NPR3: variants seen among roughly 807,000 people sequenced by gnomAD.
The protein encoded by NPR3 is atrial natriuretic peptide receptor 3.
In NPR3, 34 loss-of-function variants were observed where a neutral mutation model predicts 54.5. That is an observed-to-expected ratio of 0.62 (90% CI 0.47 to 0.83). NPR3 has a LOEUF of 0.83. Ranked by LOEUF, NPR3 falls within the 40% of genes least tolerant of loss-of-function variation. The pLI is 0.00. For missense variants in NPR3, 674 were observed against 720.8 expected (o/e 0.94, Z 0.74); for synonymous variants, 289 against 297.1 (o/e 0.97, Z 0.28).
At chr5:32,701,362 T>A (rs1281469523) in intron 1 of NPR3, among the ~76,000 whole-genome samples, 2 of 152,238 alleles carry the variant, frequency 1.3e-5, no homozygotes, top group Non-Finnish European at 2.9e-5. Flanking sequence ...TCTTTTAAAT[T>A]ATTTCAATGT....
chr5:32,723,555 TTC>T (rs756427977), intron 1 of NPR3, among the ~76,000 whole-genome samples: 196 of 152,362 alleles, frequency 1.3e-3, no homozygotes, highest in Non-Finnish European at 2.4e-3. Flanking sequence ...TAAGTGAATG[TTC>T]TCTCTAAAAT....
rs1234746505 is a variant in NPR3 at position 32,756,023 on chromosome 5, T to C, written c.1059+16993T>C. 2.0e-5 allele frequency among the ~76,000 whole-genome samples: 3 copies of C among 152,342 alleles called. 1 individual carries two copies. Among genetic ancestry groups the C allele is most frequent in the Middle Eastern group, 6.8e-3 (2 of 294 alleles). On this transcript the variant is annotated intron_variant, in intron 3 of 7. Coordinates refer to ENST00000265074, the MANE Select transcript of NPR3 (RefSeq NM_001204375.2). ...TATCATTGATGGACATTTGGGTTGGTTCCAAGTCTTTGCTATGTGAATAGT... is the reference window on the plus strand; with the variant it reads ...TATCATTGATGGACATTTGGGTTGGCTCCAAGTCTTTGCTATGTGAATAGT...
At chr5:32,705,797 AT>A (rs761888007), upstream of NPR3, among the ~76,000 whole-genome samples, 1 of 152,192 alleles carries the variant, frequency 6.6e-6, no homozygotes, top group Non-Finnish European at 1.5e-5. Flanking sequence ...AGAAACAATA[AT>A]CAACGCCATA....
In NPR3 at chr5:32,766,036, G is replaced by T. The variant is rs551445644; in HGVS notation, c.1060-8672G>T. ...ATCTGGTCTGGGAGAGCAGCCCCTG[G>T]CATCCCACCTTTATCTCCTCTGCCC... is the stretch of plus-strand genomic sequence containing the variant. On this transcript the variant is annotated intron_variant, in intron 3 of 7. Coordinates refer to ENST00000265074, the MANE Select transcript of NPR3 (RefSeq NM_001204375.2). Among the ~76,000 whole-genome samples the T allele has an allele frequency of 3.9e-5, 6 of 152,310 alleles. No individual in the cohort carries two copies. The East Asian group carries it at 1.2e-3, about 29-fold the overall frequency.
chr5:32,783,225 A>C, intron 6 of NPR3, 197 bp downstream of exon 6: 2 of 478,662 alleles, frequency 4.2e-6, no homozygotes, highest in Non-Finnish European at 7.3e-6. Flanking sequence ...TCTCTTCCAC[A>C]ATGGTAGAAT....
chr5:32,784,930 TGTC>T (rs1444880382), intron 7 of NPR3, 47 bp downstream of exon 7: 1 of 1,362,826 alleles, frequency 7.3e-7, no homozygotes, highest in Admixed American at 1.7e-5. Context: ...CTGCTGTCTT[TGTC>T]ATTTGATTTT....
At chr5:32,701,903 G>C (rs915887241) in intron 1 of NPR3, among the ~76,000 whole-genome samples, 1 of 152,212 alleles carries the variant, frequency 6.6e-6, no homozygotes, top group Admixed American at 6.5e-5. Flanking sequence ...GTGCTGAGCT[G>C]CCTGAAGCCA....
chr5:32,761,578 T>C (rs1741163489), intron 3 of NPR3, among the ~76,000 whole-genome samples: 1 of 152,050 alleles, frequency 6.6e-6, no homozygotes, highest in African/African-American at 2.4e-5. Context: ...CGGACTCTTC[T>C]GCTGTCTCTA....
chr5:32,704,862 A>G (rs1185008939), upstream of NPR3, among the ~76,000 whole-genome samples: 1 of 152,236 alleles, frequency 6.6e-6, no homozygotes, highest in Non-Finnish European at 1.5e-5. Context: ...GCTTTCTCAA[A>G]TCCTTTTTGG....
intron 3 of NPR3, among the ~76,000 whole-genome samples, chr5:32,749,572 A>C (rs542815849): frequency 1.3e-5 from 2 of 152,218 alleles, no homozygotes; most frequent in Non-Finnish European, 2.9e-5. Context: ...ATTATCCCAA[A>C]TATGAATATC....
chr5:32,736,010 C>T (rs1472816489), intron 2 of NPR3, among the ~76,000 whole-genome samples: 1 of 152,066 alleles, frequency 6.6e-6, no homozygotes, highest in Non-Finnish European at 1.5e-5. Context: ...GCAGGTGGAT[C>T]ACTTGAGGTC....
intron 3 of NPR3, among the ~76,000 whole-genome samples, chr5:32,765,025 T>A (rs963059263): frequency 6.6e-6 from 1 of 152,182 alleles, no homozygotes; most frequent in Admixed American, 6.5e-5. Flanking sequence ...TTCTTTTTTT[T>A]ATAGCAAAGT....
At chr5:32,714,053 G>T (rs955223596) in intron 1 of NPR3, among the ~76,000 whole-genome samples, 5 of 152,240 alleles carry the variant, frequency 3.3e-5, no homozygotes, top group Non-Finnish European at 5.9e-5. Context: ...CCAGGTTACT[G>T]CAGCCTCCAC....
intron 3 of NPR3, among the ~76,000 whole-genome samples, chr5:32,740,182 T>C (rs1164305505): frequency 6.6e-6 from 1 of 152,224 alleles, no homozygotes; most frequent in Non-Finnish European, 1.5e-5. Flanking sequence ...TACCACAGAG[T>C]ACTGGCATTG....
intron 3 of NPR3, among the ~76,000 whole-genome samples, chr5:32,742,662 C>T (rs1243022012): frequency 1.3e-5 from 2 of 152,032 alleles, no homozygotes; most frequent in African/African-American, 4.8e-5. Context: ...GAGCATATAA[C>T]AGAATTCATA....
intron 1 of NPR3, among the ~76,000 whole-genome samples, chr5:32,718,472 G>A (rs1014642610): frequency 6.6e-6 from 1 of 152,192 alleles, no homozygotes; most frequent in Non-Finnish European, 1.5e-5. Context: ...CTATCCATGA[G>A]CATGGAATAT....
At chr5:32,724,408 C>T (rs1321212911) in intron 1 of NPR3, among the ~76,000 whole-genome samples, 2 of 152,162 alleles carry the variant, frequency 1.3e-5, no homozygotes, top group African/African-American at 4.8e-5. Flanking sequence ...CTGCCACCTT[C>T]TGATTAGATG....
intron 1 of NPR3, among the ~76,000 whole-genome samples, chr5:32,693,723 T>C (rs754836981): frequency 6.6e-6 from 1 of 152,228 alleles, no homozygotes; most frequent in South Asian, 2.1e-4. Context: ...TAGAGCACCA[T>C]AGTCCTTGAC....
At chr5:32,724,663 G>A in intron 1 of NPR3, 35 bp from the exon 2 acceptor site, 3 of 1,613,294 alleles carry the variant, frequency 1.9e-6, no homozygotes, top group Non-Finnish European at 2.5e-6. Flanking sequence ...CTCTGCAAAG[G>A]GGTGCCTCAT....
Sources: gnomAD v4.1 joint callset for allele counts (sites outside exome capture counted in the v4.1 genomes callset) on GRCh38, gnomAD v4.1.1 for gene constraint, MANE v1.5 for transcripts, NCBI Gene and HGNC (gene_info 2026-07-23, HGNC 2026-07-21) for gene names.